The following KIF1A variants were observed in gnomAD, a reference collection of about 807,000 sequenced individuals.
The protein encoded by KIF1A is kinesin-like protein KIF1A.
A neutral mutation model predicts 227.3 loss-of-function variants in KIF1A; 46 were observed. The ratio of observed to expected loss-of-function variants is 0.20; its 90% CI spans 0.16 to 0.26. The LOEUF is 0.26. Among genes scored for constraint, KIF1A ranks in the 10% least tolerant of loss-of-function variants. The probability of loss-of-function intolerance (pLI) is 1.00; values close to 1 mark genes in which losing one functional copy is unlikely to be tolerated. For synonymous variants in KIF1A, 1,022 were observed against 1,012.8 expected, an observed-to-expected ratio of 1.01 and a Z score of -0.17; for missense variants, 1,683 against 2,485.9, an observed-to-expected ratio of 0.68 and a Z score of 6.87.
chr2:240,755,291 T>C (rs1488127067), intron 27 of KIF1A, among the ~76,000 whole-genome samples: 2 of 152,148 alleles, frequency 1.3e-5, no homozygotes, highest in Non-Finnish European at 2.9e-5. Flanking sequence ...TGAAGCAGAC[T>C]GAAACCCAGC....
chr2:240,766,861 G>C lies in KIF1A; in HGVS notation c.1684+54C>G. On this transcript the variant is annotated intron_variant, in intron 19 of 48. Transcript: ENST00000498729. The surrounding 1 kb of genome is among the most constrained non-coding windows in gnomAD (Gnocchi z 5.0). ...GGAGAGGGTGACCTCATTCAGGCCT[G>C]ATCATCACGGCACAGGGGCATGGGT... is the stretch of plus-strand genomic sequence containing the variant. 7.7e-7 allele frequency: 1 copy of C among 1,300,674 alleles called. No individual in the cohort carries two copies. The highest frequency in any genetic ancestry group is 1.1e-6 in the Non-Finnish European group (1 of 918,804). 80.6% of individuals were successfully genotyped at this position (1,300,674 alleles called of 1,614,324 possible).
At chr2:240,771,146 C>T (rs777327271) in intron 14 of KIF1A, 42 bp from the exon 15 acceptor site, 468 of 1,612,222 alleles carry the variant, frequency 2.9e-4, no homozygotes, top group Non-Finnish European at 3.7e-4. Context: ...CGTCCCGCCA[C>T]GGTTAAGGTT....
chr2:240,783,624 A>C, intron 8 of KIF1A, 115 bp downstream of exon 8: 1 of 730,966 alleles, frequency 1.4e-6, no homozygotes, highest in Non-Finnish European at 2.2e-6. Flanking sequence ...CTCCCTATGC[A>C]GGCTCACCCT....
At position 240,769,127 on chromosome 2, in the gene KIF1A, T is replaced by G; in HGVS notation, c.1497+6A>C. ...GGCAGTACCACAGAACTGAGATAGC[T>G]CCTACCTTTTTGGGAGAGAATACGC... On this transcript the variant is annotated splice_donor_region_variant and intron_variant, in intron 17 of 48. Transcript: ENST00000498729. 1.9e-6 allele frequency: 3 copies of G among 1,606,510 alleles called. No individual in the cohort carries two copies. The highest frequency in any genetic ancestry group is 1.7e-6 in the Non-Finnish European group (2 of 1,176,592).
intron 20 of KIF1A, 29 bp from the exon 21 acceptor site, chr2:240,763,375 A>C (rs1278406084): frequency 6.5e-7 from 1 of 1,541,764 alleles, no homozygotes; most frequent in South Asian, 1.2e-5. Flanking sequence ...GGTGGCCTTG[A>C]GGGATGGGGA....
intron 12 of KIF1A, among the ~76,000 whole-genome samples, chr2:240,773,749 G>A (rs1303186953): frequency 6.6e-6 from 1 of 152,170 alleles, no homozygotes; most frequent in African/African-American, 2.4e-5. Context: ...AGAAGGGAGA[G>A]ACCACTGACC....
At chr2:240,733,073 C>A (rs1217662621) in intron 38 of KIF1A, among the ~76,000 whole-genome samples, 1 of 151,390 alleles carries the variant, frequency 6.6e-6, no homozygotes, top group African/African-American at 2.4e-5. Flanking sequence ...AGCTTCCTGG[C>A]CAGGCTCTGA....
At chr2:240,780,556 A>T (rs905459033) in intron 10 of KIF1A, among the ~76,000 whole-genome samples, 1 of 151,680 alleles carries the variant, frequency 6.6e-6, no homozygotes, top group Non-Finnish European at 1.5e-5. Flanking sequence ...CGGTTCCCTC[A>T]CATGATTCCA....
rs1437937553 is a variant in KIF1A at position 240,744,305 on chromosome 2, G to A, written c.3466-245C>T. 1.3e-5 allele frequency among the ~76,000 whole-genome samples: 2 copies of A among 152,178 alleles called. No individual in the cohort carries two copies. Among genetic ancestry groups the A allele is most frequent in the East Asian group, 3.9e-4 (2 of 5,186 alleles). ...TCTCTCCAGGACGAACAGGGGCCGC[G>A]TGGCTCAGCTGCCCTTTCAGAACAC... On this transcript the variant is annotated intron_variant, in intron 32 of 48. Transcript: ENST00000498729.
chr2:240,808,764 C>A (rs1302986815), intron 1 of KIF1A, among the ~76,000 whole-genome samples: 1 of 151,900 alleles, frequency 6.6e-6, no homozygotes, highest in Non-Finnish European at 1.5e-5. Flanking sequence ...GAGTCTCACA[C>A]CGTCGCCTGG....
At chr2:240,759,144 A>AGT (rs35848053) in intron 25 of KIF1A, among the ~76,000 whole-genome samples, 384 of 148,792 alleles carry the variant, frequency 2.6e-3, no homozygotes, top group East Asian at 5.7e-3. Flanking sequence ...AATGCTTATG[A>AGT]GTGTGTGTGT....
Position 240,733,266 on chromosome 2 carries a change from C to G in KIF1A, c.4007+3797G>C, listed in dbSNP as rs1034294588. The stretch of plus-strand genomic sequence containing the variant: ...AGCCCAAGCTGATGGGCTCCCCAGA[C>G]CCAGATCTTTCCGAGCATGGGGAAA... On this transcript the variant is annotated intron_variant, in intron 38 of 48. Coordinates refer to ENST00000498729, the MANE Select transcript of KIF1A (RefSeq NM_001244008.2). Among the ~76,000 whole-genome samples, 12 of 152,206 alleles carry G rather than the reference C, an allele frequency of 7.9e-5. No individual in the cohort carries two copies. In the East Asian group the frequency reaches 2.1e-3, roughly 27 times the overall value.
chr2:240,718,664 C>G (rs566971687), intron 47 of KIF1A, among the ~76,000 whole-genome samples: 1 of 152,238 alleles, frequency 6.6e-6, no homozygotes, highest in African/African-American at 2.4e-5. Flanking sequence ...CCCTGTGGCT[C>G]GCCCATTCCT....
intron 1 of KIF1A, among the ~76,000 whole-genome samples, chr2:240,802,586 G>C (rs1575661524): frequency 6.6e-6 from 1 of 152,160 alleles, no homozygotes; most frequent in South Asian, 2.1e-4. Context: ...GAAAATTTGT[G>C]CTTGTTCTAT....
intron 37 of KIF1A, 128 bp from the exon 38 acceptor site, chr2:240,737,296 C>T (rs1203546329): frequency 3.7e-5 from 27 of 734,336 alleles, no homozygotes; most frequent in East Asian, 1.0e-4. Context: ...CTGTCAAAGG[C>T]GGTGCCAGGG....
At chr2:240,785,123 C>T (rs368872200) in intron 6 of KIF1A, 23 bp from the exon 7 acceptor site, 29 of 1,586,314 alleles carry the variant, frequency 1.8e-5, no homozygotes, top group African/African-American at 2.7e-5. Flanking sequence ...AAGCCACGCA[C>T]GGTTACCCCT....
At chr2:240,720,890 T>G (rs1422426218) in intron 45 of KIF1A, 24 bp downstream of exon 45, 1 of 1,536,524 alleles carries the variant, frequency 6.5e-7, no homozygotes, top group African/African-American at 1.4e-5. Flanking sequence ...CAGAAGCCAC[T>G]CCGGGAGCCT....
chr2:240,771,125 G>T (rs2051909009), intron 14 of KIF1A, 21 bp from the exon 15 acceptor site: 1 of 1,613,140 alleles, frequency 6.2e-7, no homozygotes, highest in African/African-American at 1.3e-5. Context: ...AGGGTCAGGG[G>T]CTTCATTCAC....
intron 10 of KIF1A, among the ~76,000 whole-genome samples, chr2:240,777,076 CCTCT>C (rs1302411648): frequency 1.3e-5 from 2 of 152,048 alleles, no homozygotes; most frequent in Non-Finnish European, 2.9e-5. Flanking sequence ...ACAGAGTCTC[CCTCT>C]GTCACCAGGC....
Sources: gnomAD v4.1 joint callset for allele counts (sites outside exome capture counted in the v4.1 genomes callset) on GRCh38, gnomAD v4.1.1 for gene constraint, Gnocchi (gnomAD v3.1) non-coding constraint, MANE v1.5 for transcripts, NCBI Gene and HGNC (gene_info 2026-07-23, HGNC 2026-07-21) for gene names.